Variants in NEMP2 observed in about 807,000 individuals in gnomAD.
NEMP2 encodes UPF0571 transmembrane protein.
Under a neutral mutation model 54.2 loss-of-function variants are expected in NEMP2, and 53 were observed. The observed-to-expected ratio is 0.98, with a 90% CI of 0.78 to 1.23. The LOEUF (loss-of-function observed/expected upper bound fraction) is 1.23, where lower values mean the gene tolerates loss of function less well. NEMP2 is among the 50% of genes most tolerant of loss of function. The pLI, the probability that NEMP2 is intolerant of heterozygous loss-of-function variation, is 0.00. For missense variants in NEMP2, 455 were observed against 511.3 expected (o/e 0.89, Z 1.06); for synonymous variants, 197 against 190.3 (o/e 1.04, Z -0.29).
chr2:190,450,785 T>G, the NEMP2 span, among the ~76,000 whole-genome samples: 2 of 152,186 alleles, frequency 1.3e-5, no homozygotes, highest in African/African-American at 4.8e-5. Flanking sequence ...TGAGCCATTG[T>G]GCCCAGCCAC....
chr2:190,566,743 G>GA, the NEMP2 span, among the ~76,000 whole-genome samples: 33,316 of 147,154 alleles, frequency 0.23, 4,743 homozygotes, highest in South Asian at 0.33. Context: ...AGAAAGAAAA[G>GA]AAAAAAAAAG....
At chr2:190,581,111 T>C in the NEMP2 span, among the ~76,000 whole-genome samples, 2 of 152,158 alleles carry the variant, frequency 1.3e-5, no homozygotes, top group African/African-American at 2.4e-5. Flanking sequence ...ATCTGGAACA[T>C]AACTAAAAAC....
rs1395098603 is a variant in NEMP2, at chr2:190,514,292, T to G, written c.953+161A>C. On this transcript the variant is annotated intron_variant, in intron 7 of 8. Coordinates refer to ENST00000409150, the MANE Select transcript of NEMP2 (RefSeq NM_001142645.2). The surrounding 1 kb of genome is among the most constrained non-coding windows in gnomAD (Gnocchi z 5.7). ...GACTAGCCATGAAGATGGGATCAGA[T>G]GCTTGGAGCTCTCTACCCCTACACC... Among the ~76,000 whole-genome samples, 1 of 152,236 alleles carries G rather than the reference T, an allele frequency of 6.6e-6. No individual in the cohort carries two copies. The highest frequency in any genetic ancestry group is 2.4e-5 in the African/African-American group (1 of 41,462).
chr2:190,576,143 A>T, the NEMP2 span, among the ~76,000 whole-genome samples: 3 of 151,518 alleles, frequency 2.0e-5, no homozygotes, highest in African/African-American at 7.3e-5. Flanking sequence ...TTATTTTAAA[A>T]TTTTTTTTCT....
the NEMP2 span, among the ~76,000 whole-genome samples, chr2:190,605,817 G>A: frequency 6.6e-6 from 1 of 152,158 alleles, no homozygotes; most frequent in African/African-American, 2.4e-5. Context: ...GGGAAACTTA[G>A]CTTCTCTGCA....
At chr2:190,464,207 T>C in the NEMP2 span, among the ~76,000 whole-genome samples, 7 of 152,214 alleles carry the variant, frequency 4.6e-5, no homozygotes, top group Non-Finnish European at 1.0e-4. Flanking sequence ...TAACGGCAAA[T>C]ACTGAACTTC....
At chr2:190,511,554 T>A (rs1460094974) in intron 7 of NEMP2, among the ~76,000 whole-genome samples, 46 of 68,686 alleles carry the variant, frequency 6.7e-4, no homozygotes, top group African/African-American at 3.7e-3. Context: ...TTAAATTTAA[T>A]TTTTTTTTTT....
chr2:190,431,651 A>C, the NEMP2 span, among the ~76,000 whole-genome samples: 1 of 152,198 alleles, frequency 6.6e-6, no homozygotes, highest in Non-Finnish European at 1.5e-5. The surrounding 1 kb of genome is among the most constrained non-coding windows in gnomAD (Gnocchi z 4.4). Flanking sequence ...CCGAGATGGC[A>C]GCAGTACAGT....
chr2:190,640,787 ATTTTTTTTTTTTTTTTTTTTTTTTTT>A, the NEMP2 span, among the ~76,000 whole-genome samples: 235 of 118,018 alleles, frequency 2.0e-3, 4 homozygotes, highest in Non-Finnish European at 2.5e-3. Context: ...AACACATTCA[ATTTTTTTTTTTTTTTTTTTTTTTTTT>A]TTTTTTTTTT....
chr2:190,614,457 A>T, the NEMP2 span, among the ~76,000 whole-genome samples: 1 of 152,222 alleles, frequency 6.6e-6, no homozygotes, highest in Non-Finnish European at 1.5e-5. This position sits in a 1 kb window ranked among gnomAD's most constrained non-coding sequence, Gnocchi z 5.7. Context: ...AAACAAAAAC[A>T]AAAACATGAA....
chr2:190,469,888 C>T, the NEMP2 span: 2 of 1,480,900 alleles, frequency 1.4e-6, no homozygotes, highest in South Asian at 1.2e-5. The surrounding 1 kb of genome is among the most constrained non-coding windows in gnomAD (Gnocchi z 5.3). Flanking sequence ...AATTATTTCT[C>T]TGCCTTCCCT....
intron 1 of NEMP2, among the ~76,000 whole-genome samples, chr2:190,532,897 G>C (rs950880783): frequency 6.6e-6 from 1 of 152,100 alleles, no homozygotes; most frequent in Non-Finnish European, 1.5e-5. Context: ...TCCCTCTAAG[G>C]CTACAAAAGT....
chr2:190,444,527 G>A, the NEMP2 span, among the ~76,000 whole-genome samples: 2 of 152,334 alleles, frequency 1.3e-5, no homozygotes, highest in South Asian at 2.1e-4. Context: ...TAAAGTGGCT[G>A]TGTGTTCTTT....
the NEMP2 span, among the ~76,000 whole-genome samples, chr2:190,638,907 C>T: frequency 6.6e-6 from 1 of 152,160 alleles, no homozygotes; most frequent in South Asian, 2.1e-4. The surrounding 1 kb of genome is among the most constrained non-coding windows in gnomAD (Gnocchi z 5.7). Flanking sequence ...TGCAGCTAAA[C>T]AAGGACCGGA....
chr2:190,560,948 C>T, the NEMP2 span, among the ~76,000 whole-genome samples: 2 of 152,180 alleles, frequency 1.3e-5, no homozygotes, highest in African/African-American at 4.8e-5. The surrounding 1 kb of genome is among the most constrained non-coding windows in gnomAD (Gnocchi z 5.4). Flanking sequence ...GTATATCTAA[C>T]ATCAGAAATC....
At chr2:190,580,662 T>G in the NEMP2 span, among the ~76,000 whole-genome samples, 1 of 152,174 alleles carries the variant, frequency 6.6e-6, no homozygotes, top group Non-Finnish European at 1.5e-5. This position sits in a 1 kb window ranked among gnomAD's most constrained non-coding sequence, Gnocchi z 5.3. Flanking sequence ...CACTACAGGA[T>G]AAAGCTCTAT....
the NEMP2 span, among the ~76,000 whole-genome samples, chr2:190,644,850 A>G: frequency 6.6e-6 from 1 of 152,176 alleles, no homozygotes; most frequent in African/African-American, 2.4e-5. The surrounding 1 kb of genome is among the most constrained non-coding windows in gnomAD (Gnocchi z 4.4). Flanking sequence ...CCAGTGACAC[A>G]AGTTTACCTA....
At chr2:190,545,150 T>C in the NEMP2 span, among the ~76,000 whole-genome samples, 1 of 152,054 alleles carries the variant, frequency 6.6e-6, no homozygotes, top group African/African-American at 2.4e-5. Context: ...AAAAGATTTA[T>C]TTTTCAGTTA....
chr2:190,552,482 A>G, the NEMP2 span, among the ~76,000 whole-genome samples: 1 of 152,332 alleles, frequency 6.6e-6, no homozygotes, highest in Admixed American at 6.5e-5. Context: ...CTGTAATCCC[A>G]GTGCTTTGGG....
Sources: gnomAD v4.1 joint callset for allele counts (sites outside exome capture counted in the v4.1 genomes callset) on GRCh38, gnomAD v4.1.1 for gene constraint, Gnocchi (gnomAD v3.1) non-coding constraint, MANE v1.5 for transcripts, NCBI Gene and HGNC (gene_info 2026-07-23, HGNC 2026-07-21) for gene names.